The following SPINK13 variants were observed in gnomAD, a reference collection of about 807,000 sequenced individuals.
SPINK13 encodes the protein serine protease inhibitor Kazal-type 13.
In SPINK13, 11 loss-of-function variants were observed where a neutral mutation model predicts 11.0. The observed-to-expected ratio is 1.00, with a 90% confidence interval of 0.63 to 1.65. SPINK13 has a LOEUF of 1.65. Among genes scored for constraint, SPINK13 ranks in the 40% most tolerant of loss-of-function variants. The pLI, the probability that SPINK13 is intolerant of heterozygous loss-of-function variation, is 0.00. For missense variants in SPINK13, 113 were observed against 117.7 expected, an observed-to-expected ratio of 0.96 and a Z score of 0.19; for synonymous variants, 31 against 35.6, an observed-to-expected ratio of 0.87 and a Z score of 0.46.
intron 3 of SPINK13, among the ~76,000 whole-genome samples, chr5:148,275,379 A>G (rs1259952997): frequency 6.6e-6 from 1 of 152,074 alleles, no homozygotes; most frequent in Non-Finnish European, 1.5e-5. Context: ...TATCCAGTCT[A>G]TCATCGATGG....
intron 4 of SPINK13, 78 bp downstream of exon 4, chr5:148,282,309 T>C: frequency 6.5e-7 from 1 of 1,548,474 alleles, no homozygotes; most frequent in Non-Finnish European, 8.8e-7. Flanking sequence ...GTCAAGGAAT[T>C]GGGTTTTACT....
rs181681845 is a variant in SPINK13, at chr5:148,273,801, C to A, written c.71-546C>A. On this transcript the variant is annotated intron_variant, in intron 2 of 4. Transcript: ENST00000398450. ...TAATACAATAAGTACTTTCTTATTT[C>A]ATTTTCCCACAGGCAGCTAGTCACC... Among the ~76,000 whole-genome samples the A allele has an allele frequency of 7.0e-4, 107 of 152,258 alleles. 1 individual carries two copies. The highest frequency in any genetic ancestry group is 1.3e-3 in the Non-Finnish European group (86 of 68,022).
At chr5:148,284,353 T>C (rs2113377586) in intron 4 of SPINK13, among the ~76,000 whole-genome samples, 1 of 152,190 alleles carries the variant, frequency 6.6e-6, no homozygotes, top group South Asian at 2.1e-4. Context: ...TTCCTTCCTT[T>C]CTACCTTGTA....
At chr5:148,284,641 C>G (rs75326784) in intron 4 of SPINK13, among the ~76,000 whole-genome samples, 1 of 152,040 alleles carries the variant, frequency 6.6e-6, no homozygotes, top group Non-Finnish European at 1.5e-5. Context: ...GAAGAATAGT[C>G]CTAATGCTCT....
intron 3 of SPINK13, among the ~76,000 whole-genome samples, chr5:148,277,564 G>A (rs868758153): frequency 3.3e-5 from 5 of 152,112 alleles, no homozygotes; most frequent in African/African-American, 7.2e-5. Flanking sequence ...TTCTGTTTAC[G>A]TGATGGATTG....
At chr5:148,283,572 T>C (rs764843420) in intron 4 of SPINK13, among the ~76,000 whole-genome samples, 1 of 152,194 alleles carries the variant, frequency 6.6e-6, no homozygotes, top group Non-Finnish European at 1.5e-5. Context: ...ATAATTGAAA[T>C]GTCCTTTAAA....
intron 3 of SPINK13, among the ~76,000 whole-genome samples, chr5:148,278,202 A>T (rs1368822266): frequency 6.6e-6 from 1 of 151,886 alleles, no homozygotes; most frequent in African/African-American, 2.4e-5. Context: ...CTGTTCTGTT[A>T]ATCTTTTCAA....
At chr5:148,272,089 C>T (rs774600707) in intron 2 of SPINK13, among the ~76,000 whole-genome samples, 40 of 152,174 alleles carry the variant, frequency 2.6e-4, no homozygotes, top group African/African-American at 9.6e-4. Flanking sequence ...TCCCAATGTG[C>T]GACCATACCC....
At chr5:148,277,886 G>C (rs540820622) in intron 3 of SPINK13, among the ~76,000 whole-genome samples, 80 of 152,274 alleles carry the variant, frequency 5.3e-4, no homozygotes, top group African/African-American at 1.7e-3. Context: ...GAATTCAGCT[G>C]TGAATCCATC....
At chr5:148,271,365 G>T (rs899034083) in intron 2 of SPINK13, among the ~76,000 whole-genome samples, 10 of 152,050 alleles carry the variant, frequency 6.6e-5, no homozygotes, top group Non-Finnish European at 1.0e-4. Context: ...CAAAAATCTA[G>T]ACTACTGACA....
rs1756302551 is a variant in SPINK13, at chr5:148,268,799, T to A, written c.-123T>A. 1 of 152,534 alleles carries A rather than the reference T, an allele frequency of 6.6e-6. No individual in the cohort carries two copies. The highest frequency in any genetic ancestry group is 2.4e-5 in the African/African-American group (1 of 41,420). The allele number at this position is 152,534 out of a possible 1,614,324, so 9.4% of individuals were successfully genotyped here. A position where few individuals can be genotyped will look rare whatever the true frequency, so the allele number is the denominator to read the frequency against. ...CAGCAGCTCTTCTCAAGGCTAGTTG[T>A]GACAGACTCCTGGAACAGCAGCTCT... On this transcript the variant is annotated 5_prime_UTR_variant, in exon 1 of 5. Coordinates refer to ENST00000398450, the MANE Select transcript of SPINK13 (RefSeq NM_001040129.3).
chr5:148,277,763 G>A (rs1756453333), intron 3 of SPINK13, among the ~76,000 whole-genome samples: 1 of 152,138 alleles, frequency 6.6e-6, no homozygotes, highest in Non-Finnish European at 1.5e-5. Flanking sequence ...GCCAGGTTTT[G>A]GTATCAGGAT....
rs1561753215 is a variant in SPINK13, at chr5:148,282,200, C to G, written c.205C>G (p.Gln69Glu). ...TTGTGCCTCAAATGGCCACACTTTC[C>G]AGAATGAGTGTTTCTTTTGTGTTGA... The part of the protein sequence containing the change: ...PVCASNGHTF[Q>E]NECFFCVEQR... Residue 69 changes from glutamine to glutamate, a missense_variant, in exon 4 of 5, where the codon CAG (glutamine) becomes GAG (glutamate). By Grantham distance (29) the Gln-to-Glu change is conservative. Coordinates refer to ENST00000398450, the MANE Select transcript of SPINK13 (RefSeq NM_001040129.3). The G allele has an allele frequency of 9.3e-6, 15 of 1,614,152 alleles. No homozygotes were observed. The highest frequency in any genetic ancestry group is 1.3e-5 in the Non-Finnish European group (15 of 1,180,022).
At position 148,275,121 on chromosome 5, in the gene SPINK13, C is replaced by T. The variant is rs146708728; in HGVS notation, c.108+737C>T. Among the ~76,000 whole-genome samples, 1,087 of 152,196 alleles carry T rather than the reference C, an allele frequency of 7.1e-3. 65 individuals carry two copies. In the East Asian group the frequency reaches 0.14, roughly 20 times the overall value. ...TCTACATTAGGTATTTCTCCTAATG[C>T]TATTCCTCCCCTTGTCCCCGCTCCC... On this transcript the variant is annotated intron_variant, in intron 3 of 4. Transcript: ENST00000398450.
chr5:148,282,016 T>C, intron 3 of SPINK13, 88 bp from the exon 4 acceptor site: 1 of 1,526,210 alleles, frequency 6.6e-7, no homozygotes, highest in Non-Finnish European at 8.8e-7. Flanking sequence ...TGATTTAATA[T>C]TATTTTTTAA....
In SPINK13 at chr5:148,285,030, C is replaced by T. The variant is rs139411637; in HGVS notation, c.237-970C>T. On this transcript the variant is annotated intron_variant, in intron 4 of 4. Coordinates refer to ENST00000398450, the MANE Select transcript of SPINK13 (RefSeq NM_001040129.3). ...GTTGGACAAAAATGATGTTTTAATA[C>T]GTTTTGAAATCATTGATAGAATTTA... is the stretch of plus-strand genomic sequence containing the variant. Among the ~76,000 whole-genome samples the T allele has an allele frequency of 9.0e-4, 137 of 152,270 alleles. 1 individual carries two copies. The highest frequency in any genetic ancestry group is 1.0e-3 in the Non-Finnish European group (69 of 68,018).
chr5:148,269,999 G>A (rs1228398941), intron 1 of SPINK13, 41 bp from the exon 2 acceptor site: 1 of 1,427,102 alleles, frequency 7.0e-7, no homozygotes, highest in East Asian at 2.3e-5. Flanking sequence ...GGAAAAGCTA[G>A]CTGTGGGGGA....
At chr5:148,271,379 G>A (rs1374450683) in intron 2 of SPINK13, among the ~76,000 whole-genome samples, 1 of 152,072 alleles carries the variant, frequency 6.6e-6, no homozygotes, top group Non-Finnish European at 1.5e-5. Context: ...ACTGACAAAA[G>A]TTCAAATCCA....
intron 2 of SPINK13, 43 bp from the exon 3 acceptor site, chr5:148,274,304 G>A (rs1418069656): frequency 2.0e-6 from 3 of 1,468,626 alleles, no homozygotes; most frequent in Non-Finnish European, 2.9e-6. Flanking sequence ...ATCCCATGGA[G>A]AACTATTTCC....
Sources: allele counts gnomAD v4.1 joint callset (sites outside exome capture counted in the v4.1 genomes callset), GRCh38; gene constraint gnomAD v4.1.1; transcripts MANE v1.5; gene names NCBI Gene and HGNC (gene_info 2026-07-23, HGNC 2026-07-21).